Variants in TGFBR3 observed in about 807,000 individuals in gnomAD.
TGFBR3 encodes the protein transforming growth factor beta receptor type 3.
TGFBR3 carries 46 observed loss-of-function variants against 87.9 expected under a neutral mutation model. The ratio of observed to expected loss-of-function variants is 0.52; its 90% CI spans 0.41 to 0.67. TGFBR3 has a LOEUF of 0.67. TGFBR3 is among the 30% of genes least tolerant of loss of function. The probability of loss-of-function intolerance (pLI) is 0.00; values close to 1 mark genes in which losing one functional copy is unlikely to be tolerated. For synonymous variants in TGFBR3, 381 were observed against 391.6 expected (o/e 0.97, Z 0.32); for missense variants, 866 against 1,041.9 (o/e 0.83, Z 2.32).
rs575142740 is a variant in TGFBR3, at chr1:91,781,781, A to G, written c.246+15506T>C. 1.6e-4 allele frequency among the ~76,000 whole-genome samples: 24 copies of G among 152,302 alleles called. No individual in the cohort carries two copies. In the Middle Eastern group the frequency reaches 0.017, roughly 108 times the overall value. The stretch of plus-strand genomic sequence containing the variant: ...TGCTGATCTCTAATAAACATAGATC[A>G]TTTCCATATTTGGAAATAGGCTGGC... On this transcript the variant is annotated intron_variant, in intron 3 of 16. Transcript: ENST00000212355.
At chr1:91,866,602 C>T (rs1678401640) in intron 1 of TGFBR3, among the ~76,000 whole-genome samples, 1 of 152,194 alleles carries the variant, frequency 6.6e-6, no homozygotes, top group African/African-American at 2.4e-5. Context: ...TTTCTCCTTT[C>T]AACAAATCTT....
chr1:91,787,943 GA>G (rs111981257), intron 3 of TGFBR3, among the ~76,000 whole-genome samples: 173 of 133,232 alleles, frequency 1.3e-3, no homozygotes, highest in Admixed American at 1.8e-3. Flanking sequence ...GTCTCACGGG[GA>G]AAAAAAAAAA....
At chr1:91,878,824 C>T (rs924555785) in intron 1 of TGFBR3, among the ~76,000 whole-genome samples, 2 of 152,222 alleles carry the variant, frequency 1.3e-5, no homozygotes, top group East Asian at 3.8e-4. Context: ...GCAGGTGTTT[C>T]GTCCTCCTGC....
chr1:91,708,152 TG>T (rs1557668273), intron 14 of TGFBR3, among the ~76,000 whole-genome samples: 1 of 152,262 alleles, frequency 6.6e-6, no homozygotes, highest in Non-Finnish European at 1.5e-5. Context: ...TGCAAAATTC[TG>T]AAAACTGAAT....
intron 2 of TGFBR3, among the ~76,000 whole-genome samples, chr1:91,850,019 T>C (rs1032198666): frequency 1.5e-5 from 2 of 137,362 alleles, no homozygotes; most frequent in Non-Finnish European, 3.0e-5. Context: ...AGGCAGAGCT[T>C]GCAGTGAGCT....
chr1:91,783,202 A>G (rs942688544), intron 3 of TGFBR3: 2 of 152,176 alleles, frequency 1.3e-5, no homozygotes, highest in African/African-American at 4.8e-5. Flanking sequence ...TATCCAAGTC[A>G]TACCTGTAAT....
In TGFBR3 at chr1:91,717,593, T is replaced by C. The variant is rs546618966; in HGVS notation, c.1567-885A>G. 1.8e-3 allele frequency among the ~76,000 whole-genome samples: 273 copies of C among 150,644 alleles called. 1 individual carries two copies. Among genetic ancestry groups the C allele is most frequent in the African/African-American group, 6.4e-3 (262 of 40,960 alleles). On this transcript the variant is annotated intron_variant, in intron 10 of 16. Coordinates refer to ENST00000212355, the MANE Select transcript of TGFBR3 (RefSeq NM_003243.5). ...CTTGGATTCTGAACATGATGCAAAATAGAAATATATAGTAAGTCTGAAAAT... is the reference window on the plus strand; with the variant it reads ...CTTGGATTCTGAACATGATGCAAAACAGAAATATATAGTAAGTCTGAAAAT...
At chr1:91,900,093 A>G (rs1679659297) in intron 1 of TGFBR3, among the ~76,000 whole-genome samples, 1 of 152,094 alleles carries the variant, frequency 6.6e-6, no homozygotes, top group Non-Finnish European at 1.5e-5. Context: ...CTCTCCATTC[A>G]TATTAAACTT....
At chr1:91,862,619 T>C (rs1678244502) in intron 1 of TGFBR3, among the ~76,000 whole-genome samples, 1 of 152,168 alleles carries the variant, frequency 6.6e-6, no homozygotes, top group Non-Finnish European at 1.5e-5. Flanking sequence ...ACGGCCCTAA[T>C]GGTCACTGAT....
intron 3 of TGFBR3, among the ~76,000 whole-genome samples, chr1:91,760,370 C>T (rs572800089): frequency 3.3e-5 from 5 of 152,146 alleles, no homozygotes; most frequent in African/African-American, 9.7e-5. Context: ...GAGCCCAGAT[C>T]GTGCCACTGC....
chr1:91,728,472 C>T (rs1037667773), intron 6 of TGFBR3, among the ~76,000 whole-genome samples: 1 of 152,074 alleles, frequency 6.6e-6, no homozygotes, highest in Non-Finnish European at 1.5e-5. Context: ...ATGAACACAA[C>T]CCAAACTTCT....
chr1:91,829,086 C>T (rs534405413), intron 2 of TGFBR3, among the ~76,000 whole-genome samples: 124 of 152,178 alleles, frequency 8.1e-4, no homozygotes, highest in African/African-American at 2.7e-3. Flanking sequence ...AGTAACAAGG[C>T]ACAGTGTGGC....
At chr1:91,898,499 C>G (rs1345225508) in intron 2 of TGFBR3, among the ~76,000 whole-genome samples, 2 of 152,058 alleles carry the variant, frequency 1.3e-5, no homozygotes, top group South Asian at 2.1e-4. Context: ...TGCAGTGGCG[C>G]GATCTCGGCT....
At chr1:91,890,462 C>A (rs1237669744), upstream of TGFBR3, among the ~76,000 whole-genome samples, 2 of 113,744 alleles carry the variant, frequency 1.8e-5, no homozygotes, top group Non-Finnish European at 3.5e-5. Flanking sequence ...TCTTGTTGCC[C>A]AGGCCGGAGT....
chr1:91,888,281 C>T (rs17884264), upstream of TGFBR3, among the ~76,000 whole-genome samples: 156 of 152,244 alleles, frequency 1.0e-3, 7 homozygotes, highest in East Asian at 0.028. Context: ...TGTAAATTGC[C>T]CAGTCTCGGG....
At chr1:91,706,018 T>C (rs1326030174) in intron 14 of TGFBR3, among the ~76,000 whole-genome samples, 2 of 152,220 alleles carry the variant, frequency 1.3e-5, no homozygotes, top group Non-Finnish European at 2.9e-5. Context: ...CTGGAAGTTA[T>C]ACTGCGGCAA....
intron 3 of TGFBR3, among the ~76,000 whole-genome samples, chr1:91,759,743 G>A (rs751824378): frequency 2.2e-4 from 34 of 152,090 alleles, no homozygotes; most frequent in African/African-American, 8.2e-4. Flanking sequence ...AATAAGGGAG[G>A]GACAGGACAA....
Position 91,748,826 on chromosome 1 carries a change from G to A in TGFBR3, c.384+9787C>T, listed in dbSNP as rs116503753. On this transcript the variant is annotated intron_variant, in intron 4 of 16. Coordinates refer to ENST00000212355, the MANE Select transcript of TGFBR3 (RefSeq NM_003243.5). Reference sequence around the variant, plus strand: ...CCCCGTTTACTAGCTATGGGACCAGGTACATGTTAACCTCTTTGTCTCAGT... The same window carrying A: ...CCCCGTTTACTAGCTATGGGACCAGATACATGTTAACCTCTTTGTCTCAGT... Among the ~76,000 whole-genome samples the A allele has an allele frequency of 8.1e-3, 1,229 of 152,184 alleles. 19 individuals carry two copies. The highest frequency in any genetic ancestry group is 0.029 in the African/African-American group (1,186 of 41,502).
intron 12 of TGFBR3, among the ~76,000 whole-genome samples, chr1:91,715,954 G>A (rs1672151635): frequency 2.0e-5 from 3 of 151,656 alleles, no homozygotes. Context: ...AAAAGCAAAG[G>A]ACAGGGCTTT....
Sources: allele counts gnomAD v4.1 joint callset (sites outside exome capture counted in the v4.1 genomes callset), GRCh38; gene constraint gnomAD v4.1.1; transcripts MANE v1.5; gene names NCBI Gene and HGNC (gene_info 2026-07-23, HGNC 2026-07-21).